The following NUBP2 variants were observed in gnomAD, a reference collection of about 807,000 sequenced individuals.
The protein encoded by NUBP2 is cytosolic Fe-S cluster assembly factor NUBP2.
NUBP2 carries 23 observed loss-of-function variants against 24.9 expected under a neutral mutation model. That is an observed-to-expected ratio of 0.92 (90% confidence interval 0.66 to 1.31). The LOEUF is 1.31. Ranked by LOEUF, NUBP2 falls within the 50% of genes most tolerant of loss-of-function variation. The pLI is 0.00. For missense variants in NUBP2, 403 were observed against 386.5 expected (o/e 1.04, Z -0.36); for synonymous variants, 186 against 170.9 (o/e 1.09, Z -0.69).
intron 1 of NUBP2, chr16:1,785,494 T>G: frequency 8.4e-7 from 1 of 1,190,852 alleles, no homozygotes. Flanking sequence ...CCTGACAGAG[T>G]CCCCGGCAGC....
At chr16:1,787,295 G>A (rs757094998) in intron 3 of NUBP2, 9 of 412,696 alleles carry the variant, frequency 2.2e-5, no homozygotes, top group Non-Finnish European at 3.5e-5. Context: ...CCCAAAGGCA[G>A]GGAGAGGCTG....
chr16:1,786,837 C>G lies in NUBP2; in HGVS notation c.216C>G (p.Cys72Trp), dbSNP rs546172251. ...CGCAGGGCAGGGCTGTGCACCAGTG[C>G]GACCGCGGCTGGGCACCCGTCTTCC... ...LGAQGRAVHQ[C>W]DRGWAPVFLD... The change falls in exon 3 of 7, where the codon TGC (cysteine) becomes TGG (tryptophan). Residue 72 changes from cysteine to tryptophan, a missense_variant. Coordinates refer to ENST00000262302, the MANE Select transcript of NUBP2 (RefSeq NM_012225.4). The G allele has an allele frequency of 2.5e-6, 4 of 1,598,046 alleles. No homozygotes were observed. Among genetic ancestry groups the G allele is most frequent in the Admixed American group, 3.4e-5 (2 of 59,196 alleles).
Position 1,788,971 on chromosome 16 carries a change from T to G in NUBP2, c.*257T>G. ...GGCCTGGGCTCTCTTCCCATCCATG[T>G]TGCCTACCTGTGCCCCTGGCAGCCG... On this transcript the variant is annotated 3_prime_UTR_variant, in exon 7 of 7. Coordinates refer to ENST00000262302, the MANE Select transcript of NUBP2 (RefSeq NM_012225.4). 2 of 478,880 alleles carry G rather than the reference T, an allele frequency of 4.2e-6. No homozygotes were observed. The highest frequency in any genetic ancestry group is 7.4e-6 in the Non-Finnish European group (2 of 271,054). 29.7% of individuals were successfully genotyped at this position (478,880 alleles called of 1,614,324 possible).
intron 1 of NUBP2, chr16:1,785,000 C>G: frequency 1.3e-6 from 1 of 797,336 alleles, no homozygotes; most frequent in Non-Finnish European, 1.5e-6. Context: ...TGCAGTGAGC[C>G]GAGATTGCGC....
rs146956965 is a variant in NUBP2, at chr16:1,787,950, G to A, written c.499G>A (p.Val167Met). Reference protein sequence around the residue: ...LVVTTPQAVSVGDVRRELTFC... With the variant: ...LVVTTPQAVSMGDVRRELTFC... The stretch of plus-strand genomic sequence containing the variant: ...GGCTCCTGCCCCGCAGGCGGTGTCC[G>A]TGGGGGACGTGAGGCGCGAGCTGAC... The change falls in exon 5 of 7, where the codon GTG (valine) becomes ATG (methionine). Residue 167 changes from valine (V) to methionine (M), a missense_variant. Coordinates refer to ENST00000262302, the MANE Select transcript of NUBP2 (RefSeq NM_012225.4). The A allele has an allele frequency of 1.8e-5, 29 of 1,604,420 alleles. No individual in the cohort carries two copies. The highest frequency in any genetic ancestry group is 1.1e-4 in the African/African-American group (8 of 74,480).
chr16:1,783,977 G>C, intron 1 of NUBP2: 1 of 983,146 alleles, frequency 1.0e-6, no homozygotes, highest in Non-Finnish European at 1.2e-6. Flanking sequence ...ACAGGCGTGA[G>C]CCACGGCGCC....
At chr16:1,786,403 CG>C (rs1896969078) in intron 1 of NUBP2, 133 bp from the exon 2 acceptor site, 5 of 801,360 alleles carry the variant, frequency 6.2e-6, no homozygotes, top group Middle Eastern at 3.8e-4. Context: ...AAGTGGGGCA[CG>C]GGCTGCCTCT....
intron 2 of NUBP2, 35 bp from the exon 3 acceptor site, chr16:1,786,722 G>A (rs779905332): frequency 2.5e-5 from 40 of 1,611,476 alleles, no homozygotes; most frequent in South Asian, 2.3e-4. Flanking sequence ...GAGGCCTGGC[G>A]GTGCCCCCGG....
At chr16:1,786,082 G>A in intron 1 of NUBP2, 3 of 943,200 alleles carry the variant, frequency 3.2e-6, no homozygotes, top group Non-Finnish European at 4.1e-6. Flanking sequence ...GACAACGCGT[G>A]GTTGTTGCCA....
chr16:1,787,633 AGACCT>A (rs1442559280), intron 3 of NUBP2, 39 bp from the exon 4 acceptor site: 1 of 1,599,520 alleles, frequency 6.3e-7, no homozygotes, highest in Admixed American at 1.7e-5. Context: ...CCACGTGTGC[AGACCT>A]GCCCTGCCCT....
intron 3 of NUBP2, 163 bp from the exon 4 acceptor site, chr16:1,787,514 T>G (rs1897033199): frequency 1.1e-6 from 1 of 919,448 alleles, no homozygotes; most frequent in Non-Finnish European, 1.7e-6. Context: ...TTTGCACTCC[T>G]GCAGCGGGCC....
chr16:1,783,491 C>G, intron 1 of NUBP2: 1 of 990,004 alleles, frequency 1.0e-6, no homozygotes, highest in Middle Eastern at 5.2e-4. Context: ...GTGGCGCTCT[C>G]AGTGTTCAGA....
At chr16:1,787,600 G>C (rs1897037776) in intron 3 of NUBP2, 77 bp from the exon 4 acceptor site, 2 of 1,564,264 alleles carry the variant, frequency 1.3e-6, no homozygotes, top group African/African-American at 2.7e-5. Context: ...GGCCTGACCT[G>C]GCTGGTTCTT....
At chr16:1,784,037 T>C in intron 1 of NUBP2, 1 of 984,996 alleles carries the variant, frequency 1.0e-6, no homozygotes, top group Non-Finnish European at 1.2e-6. Context: ...GAAAAGCCTG[T>C]CCTTATTATC....
chr16:1,788,352 C>G, intron 6 of NUBP2, 145 bp downstream of exon 6: 1 of 1,079,488 alleles, frequency 9.3e-7, no homozygotes, highest in Non-Finnish European at 1.3e-6. Flanking sequence ...CACGCCATGC[C>G]GCTGAGACCT....
At chr16:1,783,986 C>G (rs1298294458) in intron 1 of NUBP2, 1 of 984,672 alleles carries the variant, frequency 1.0e-6, no homozygotes, top group Non-Finnish European at 1.2e-6. Context: ...AGCCACGGCG[C>G]CTGGCCCAGT....
At chr16:1,788,545 C>T (rs1465422773) in intron 6 of NUBP2, 24 bp from the exon 7 acceptor site, 5 of 1,582,170 alleles carry the variant, frequency 3.2e-6, no homozygotes, top group Non-Finnish European at 4.3e-6. Context: ...GACATGGCGC[C>T]ACCGCCTCCA....
At chr16:1,787,646 C>T (rs971613358) in intron 3 of NUBP2, 31 bp from the exon 4 acceptor site, 10 of 1,608,480 alleles carry the variant, frequency 6.2e-6, no homozygotes, top group Non-Finnish European at 8.5e-6. Context: ...CCTGCCCTGC[C>T]CTGACCGCCC....
In NUBP2 at chr16:1,787,791, C is replaced by G; in HGVS notation, c.449C>G (p.Pro150Arg). Residue 150 changes from proline (P) to arginine (R), a missense_variant, in exon 4 of 7, where the codon CCC becomes CGC. Physicochemically the swap from Pro to Arg is moderately radical, Grantham distance 103. Coordinates refer to ENST00000262302, the MANE Select transcript of NUBP2 (RefSeq NM_012225.4). ...ATGGCCACCATAGAAGCCCTGCGTC[C>G]CTACCAGCCCCTGGGGGCCCTCGTG... ...EHMATIEALR[P>R]YQPLGALVVT... 6.2e-7 allele frequency: 1 copy of G among 1,612,166 alleles called. No individual in the cohort carries two copies.
Sources: gnomAD v4.1 joint callset for allele counts on GRCh38, gnomAD v4.1.1 for gene constraint, MANE v1.5 for transcripts, NCBI Gene and HGNC (gene_info 2026-07-23, HGNC 2026-07-21) for gene names.